Variants in SLC22A25 observed in about 807,000 individuals in gnomAD.
SLC22A25 encodes solute carrier family 22 member 25.
A neutral mutation model predicts 45.9 loss-of-function variants in SLC22A25; 44 were observed. The observed-to-expected ratio is 0.96, with a 90% CI of 0.75 to 1.23. The LOEUF (loss-of-function observed/expected upper bound fraction) is 1.23, where lower values mean the gene tolerates loss of function less well. Ranked by LOEUF, SLC22A25 falls within the 50% of genes most tolerant of loss-of-function variation. The pLI is 0.00. For synonymous variants in SLC22A25, 283 were observed against 238.6 expected (o/e 1.19, Z -1.72); for missense variants, 800 against 666.4 (o/e 1.20, Z -2.21).
chr11:63,225,094 G>A (rs960284611), intron 5 of SLC22A25, among the ~76,000 whole-genome samples: 10 of 152,012 alleles, frequency 6.6e-5, no homozygotes, highest in African/African-American at 1.5e-4. Flanking sequence ...GCAAGACTCC[G>A]TCTCAAAATA....
chr11:63,192,665 G>A (rs1253982742), intron 7 of SLC22A25, among the ~76,000 whole-genome samples: 1 of 152,026 alleles, frequency 6.6e-6, no homozygotes, highest in Non-Finnish European at 1.5e-5. Flanking sequence ...AAATAAAAAG[G>A]CAGAAAAACC....
In SLC22A25 at chr11:63,166,173, CAA is replaced by C. The variant is rs2087675743; in HGVS notation, c.1154_1155del (p.Phe385TrpfsTer73). ...GNNVFLLQTL[F>X]GAVTLLANCV... ...CAATTGGCCAGGAGGGTGACTGCAC[CAA>C]AGAGAGTCTGCAACAGGAAAACATT... On this transcript the variant is annotated frameshift_variant, in exon 10 of 12. Transcript: ENST00000306494. LOFTEE classifies it high-confidence loss of function. The C allele has an allele frequency of 1.9e-6, 3 of 1,613,988 alleles. No homozygotes were observed.
intron 7 of SLC22A25, among the ~76,000 whole-genome samples, chr11:63,203,337 G>A (rs1039011169): frequency 1.3e-5 from 2 of 151,968 alleles, no homozygotes; most frequent in Non-Finnish European, 2.9e-5. Context: ...GGCTTCAGAA[G>A]GTGGGTAATA....
At chr11:63,223,232 A>G (rs937756172) in intron 5 of SLC22A25, among the ~76,000 whole-genome samples, 24 of 152,152 alleles carry the variant, frequency 1.6e-4, no homozygotes, top group Admixed American at 8.5e-4. Flanking sequence ...GGTAGAATTC[A>G]GCAGTGAAGT....
intron 7 of SLC22A25, among the ~76,000 whole-genome samples, chr11:63,209,695 A>G (rs568956141): frequency 1.3e-5 from 2 of 152,216 alleles, no homozygotes; most frequent in South Asian, 4.1e-4. Flanking sequence ...TCCACTACTG[A>G]TCTCTTAAAT....
At chr11:63,228,412 G>A in intron 5 of SLC22A25, 49 bp downstream of exon 5, 1 of 1,353,794 alleles carries the variant, frequency 7.4e-7, no homozygotes, top group South Asian at 1.3e-5. Context: ...AGTGTTTCAT[G>A]AATTGATGAA....
intron 1 of SLC22A25, among the ~76,000 whole-genome samples, chr11:63,242,306 T>C (rs1360746286): frequency 2.0e-5 from 3 of 152,188 alleles, no homozygotes; most frequent in Non-Finnish European, 2.9e-5. Flanking sequence ...AGAGACCAGA[T>C]GTCAGAACCA....
intron 3 of SLC22A25, among the ~76,000 whole-genome samples, chr11:63,230,848 T>A (rs903469254): frequency 6.6e-6 from 1 of 152,144 alleles, no homozygotes; most frequent in African/African-American, 2.4e-5. Flanking sequence ...CCCCTTCCTG[T>A]GTCCAAATGT....
intron 7 of SLC22A25, among the ~76,000 whole-genome samples, chr11:63,205,230 C>T (rs2089365258): frequency 2.0e-5 from 3 of 152,054 alleles, no homozygotes; most frequent in Admixed American, 2.0e-4. Flanking sequence ...TAATTACCAT[C>T]CTAACATCAC....
intron 7 of SLC22A25, among the ~76,000 whole-genome samples, chr11:63,202,330 G>A (rs1238671209): frequency 6.6e-6 from 1 of 152,002 alleles, no homozygotes; most frequent in African/African-American, 2.4e-5. Context: ...AGGGGGCACT[G>A]AAGCCAGGGA....
intron 7 of SLC22A25, among the ~76,000 whole-genome samples, chr11:63,184,498 G>T (rs905968809): frequency 6.6e-6 from 1 of 152,144 alleles, no homozygotes. Flanking sequence ...AAGGGAAGGG[G>T]TATAGTTAAT....
intron 3 of SLC22A25, among the ~76,000 whole-genome samples, chr11:63,230,570 A>G (rs2090048261): frequency 1.3e-5 from 2 of 152,244 alleles, no homozygotes; most frequent in East Asian, 3.8e-4. Flanking sequence ...CACCTTGATT[A>G]GGACTAAAAT....
chr11:63,212,950 AAT>A (rs1210306163), intron 7 of SLC22A25, among the ~76,000 whole-genome samples: 9 of 152,278 alleles, frequency 5.9e-5, no homozygotes, highest in African/African-American at 2.2e-4. Flanking sequence ...GCCTCCAAGG[AAT>A]AGAGAGGCTT....
At chr11:63,216,205 T>G (rs1341676956) in intron 7 of SLC22A25, among the ~76,000 whole-genome samples, 3 of 152,194 alleles carry the variant, frequency 2.0e-5, no homozygotes, top group Non-Finnish European at 2.9e-5. Flanking sequence ...TGGCTATTAA[T>G]AACAAGTCAA....
chr11:63,201,040 A>T (rs777675440), intron 7 of SLC22A25, among the ~76,000 whole-genome samples: 4 of 152,244 alleles, frequency 2.6e-5, no homozygotes, highest in Non-Finnish European at 5.9e-5. Context: ...ATGCTCATGG[A>T]TAGGAAGAAC....
intron 9 of SLC22A25, among the ~76,000 whole-genome samples, chr11:63,175,189 C>T (rs1590791594): frequency 6.6e-6 from 1 of 152,120 alleles, no homozygotes; most frequent in Non-Finnish European, 1.5e-5. Flanking sequence ...CTACTGCTTT[C>T]CATAGGGGCT....
At chr11:63,229,175 T>A in intron 4 of SLC22A25, 76 bp downstream of exon 4, 1 of 1,422,826 alleles carries the variant, frequency 7.0e-7, no homozygotes, top group Non-Finnish European at 9.4e-7. Context: ...GACTAAAGGC[T>A]GGAAGCACAA....
At chr11:63,206,701 ACTGCCC>A (rs2089414247) in intron 7 of SLC22A25, among the ~76,000 whole-genome samples, 2 of 152,232 alleles carry the variant, frequency 1.3e-5, no homozygotes, top group Non-Finnish European at 2.9e-5. Context: ...AAATGGCCAT[ACTGCCC>A]AAAGTAATTT....
intron 5 of SLC22A25, among the ~76,000 whole-genome samples, chr11:63,218,431 A>G (rs2089774980): frequency 6.6e-6 from 1 of 152,164 alleles, no homozygotes; most frequent in Non-Finnish European, 1.5e-5. Flanking sequence ...GGGTTCATTC[A>G]TACCCCTAGC....
Sources: allele counts gnomAD v4.1 joint callset (sites outside exome capture counted in the v4.1 genomes callset), GRCh38; gene constraint gnomAD v4.1.1; transcripts MANE v1.5; gene names NCBI Gene and HGNC (gene_info 2026-07-23, HGNC 2026-07-21).